MEF2C: variants seen among roughly 807,000 people sequenced by gnomAD.
MEF2C encodes the protein myocyte enhancer factor 2C, also known as myocyte-specific enhancer factor 2C.
MEF2C carries 6 observed loss-of-function variants against 50.5 expected under a neutral mutation model. That is an observed-to-expected ratio of 0.12 (90% CI 0.07 to 0.23). The LOEUF is 0.23. Among genes scored for constraint, MEF2C ranks in the 10% least tolerant of loss-of-function variants. The pLI, the probability that MEF2C is intolerant of heterozygous loss-of-function variation, is 1.00. For missense variants in MEF2C, 276 were observed against 605.0 expected (o/e 0.46, Z 5.70); for synonymous variants, 183 against 228.0 (o/e 0.80, Z 1.78).
intron 6 of MEF2C, chr5:88,740,780 T>A: frequency 5.1e-6 from 5 of 985,388 alleles, no homozygotes; most frequent in Non-Finnish European, 6.0e-6. Context: ...ACACTATCTT[T>A]AAAAAATTCC....
intron 2 of MEF2C, among the ~76,000 whole-genome samples, chr5:88,807,369 G>A (rs1482538546): frequency 5.9e-5 from 9 of 152,018 alleles, no homozygotes; most frequent in Non-Finnish European, 1.0e-4. Flanking sequence ...TACTACAGGC[G>A]TGCACCAACA....
intron 1 of MEF2C, among the ~76,000 whole-genome samples, chr5:88,879,372 AAT>A (rs1452845555): frequency 9.0e-6 from 1 of 110,840 alleles, no homozygotes; most frequent in Non-Finnish European, 1.8e-5. Flanking sequence ...ACATTCATGA[AAT>A]ATATATATTA....
intron 3 of MEF2C, among the ~76,000 whole-genome samples, chr5:88,766,449 A>G (rs1780089484): frequency 6.6e-6 from 1 of 152,224 alleles, no homozygotes; most frequent in South Asian, 2.1e-4. Flanking sequence ...GTTAGTAAAA[A>G]GAAATAAGTA....
chr5:88,725,278 A>G (rs1758190567), intron 10 of MEF2C, among the ~76,000 whole-genome samples: 2 of 152,256 alleles, frequency 1.3e-5, no homozygotes, highest in Non-Finnish European at 2.9e-5. Flanking sequence ...CTGAAAACAT[A>G]CATGAAGCAT....
chr5:88,790,580 C>T (rs375278257), intron 3 of MEF2C, among the ~76,000 whole-genome samples: 2 of 152,294 alleles, frequency 1.3e-5, no homozygotes, highest in South Asian at 4.1e-4. Context: ...TCCACCAGCA[C>T]CACAAGCAAT....
At chr5:88,784,320 C>A (rs1036602428) in intron 3 of MEF2C, among the ~76,000 whole-genome samples, 4 of 152,072 alleles carry the variant, frequency 2.6e-5, no homozygotes, top group African/African-American at 7.2e-5. Context: ...AATTTTATAG[C>A]AAAGAAATTA....
intron 6 of MEF2C, among the ~76,000 whole-genome samples, chr5:88,748,485 T>A (rs954559024): frequency 7.2e-5 from 11 of 152,216 alleles, no homozygotes; most frequent in African/African-American, 2.7e-4. Context: ...CCTGGAGAAA[T>A]GTGACTGAGA....
intron 1 of MEF2C, among the ~76,000 whole-genome samples, chr5:88,878,230 TTAG>T (rs1831718049): frequency 6.6e-6 from 1 of 152,012 alleles, no homozygotes; most frequent in South Asian, 2.1e-4. Flanking sequence ...AATGTTTGTG[TTAG>T]TAGAAGAAAC....
intron 4 of MEF2C, 182 bp downstream of exon 4, chr5:88,761,003 C>G (rs1777592335): frequency 6.2e-7 from 1 of 1,610,440 alleles, no homozygotes; most frequent in Non-Finnish European, 8.5e-7. Context: ...TTTTATGACT[C>G]TTGATCATAT....
chr5:88,867,582 AG>A (rs1456357068), intron 1 of MEF2C, among the ~76,000 whole-genome samples: 1 of 152,224 alleles, frequency 6.6e-6, no homozygotes, highest in Non-Finnish European at 1.5e-5. Flanking sequence ...AAAAAATGTT[AG>A]CTGTGGTTTT....
intron 3 of MEF2C, among the ~76,000 whole-genome samples, chr5:88,776,639 G>A (rs1048652207): frequency 5.9e-5 from 9 of 152,146 alleles, no homozygotes; most frequent in African/African-American, 2.2e-4. Flanking sequence ...AGGGGGAGAG[G>A]AAAGAAAGGG....
intron 6 of MEF2C, among the ~76,000 whole-genome samples, 158 bp from the exon 7 acceptor site, chr5:88,732,059 A>G (rs1266501137): frequency 6.6e-6 from 1 of 152,204 alleles, no homozygotes; most frequent in Admixed American, 6.5e-5. Context: ...CAAGTAACCC[A>G]ATTAAGTATT....
chr5:88,757,770 G>A (rs1776017070), intron 4 of MEF2C, among the ~76,000 whole-genome samples: 1 of 152,022 alleles, frequency 6.6e-6, no homozygotes, highest in South Asian at 2.1e-4. Context: ...ACAAAAACTA[G>A]CCAGACCTGG....
At chr5:88,753,555 A>AT (rs1307865069) in intron 4 of MEF2C, among the ~76,000 whole-genome samples, 4 of 151,882 alleles carry the variant, frequency 2.6e-5, no homozygotes, top group Non-Finnish European at 4.4e-5. Flanking sequence ...ACGCCCAGCT[A>AT]TTTTTTTGTA....
chr5:88,737,352 T>G, intron 6 of MEF2C: 2 of 985,430 alleles, frequency 2.0e-6, no homozygotes, highest in Non-Finnish European at 2.4e-6. Flanking sequence ...AGAGAGTTAA[T>G]TAAAGCGTCT....
intron 10 of MEF2C, among the ~76,000 whole-genome samples, chr5:88,724,707 C>T (rs1322214616): frequency 6.6e-6 from 1 of 152,022 alleles, no homozygotes; most frequent in Non-Finnish European, 1.5e-5. Flanking sequence ...AGAGGGAACA[C>T]CTGTATTTCA....
chr5:88,816,786 G>A (rs922644557), intron 2 of MEF2C, among the ~76,000 whole-genome samples: 9 of 151,764 alleles, frequency 5.9e-5, no homozygotes, highest in Non-Finnish European at 1.3e-4. Flanking sequence ...TTTAATACAA[G>A]TGTTGGGGAG....
At chr5:88,883,337 AAGG>A (rs567979916), upstream of MEF2C, 397 of 151,550 alleles carry the variant, frequency 2.6e-3, 3 homozygotes, top group Middle Eastern at 3.2e-3. Context: ...GGAGGAAGAG[AAGG>A]AGGAGGAGGA....
intron 6 of MEF2C, chr5:88,743,350 A>G: frequency 2.0e-6 from 2 of 985,386 alleles, no homozygotes; most frequent in Non-Finnish European, 2.4e-6. Flanking sequence ...AATTGCAGAG[A>G]AGTCTTTCTG....
Sources: allele counts gnomAD v4.1 joint callset (sites outside exome capture counted in the v4.1 genomes callset), GRCh38; gene constraint gnomAD v4.1.1; transcripts MANE v1.5; gene names NCBI Gene and HGNC (gene_info 2026-07-23, HGNC 2026-07-21).